CNTN4: variants seen among roughly 807,000 people sequenced by gnomAD.
CNTN4 encodes the protein contactin-4.
Under a neutral mutation model 122.5 loss-of-function variants are expected in CNTN4, and 77 were observed. The ratio of observed to expected loss-of-function variants is 0.63; its 90% CI spans 0.52 to 0.76. The LOEUF (loss-of-function observed/expected upper bound fraction) is 0.76, where lower values mean the gene tolerates loss of function less well. Ranked by LOEUF, CNTN4 falls within the 30% of genes least tolerant of loss-of-function variation. CNTN4 has a pLI of 0.00. For missense variants in CNTN4, 1,256 were observed against 1,259.1 expected, an observed-to-expected ratio of 1.00 and a Z score of 0.04; for synonymous variants, 512 against 447.0, an observed-to-expected ratio of 1.15 and a Z score of -1.83.
intron 4 of CNTN4, among the ~76,000 whole-genome samples, chr3:2,730,083 T>C (rs2088568702): frequency 6.6e-6 from 1 of 152,170 alleles, no homozygotes; most frequent in East Asian, 1.9e-4. Flanking sequence ...GTATCCCTTA[T>C]CTAAAATGCT....
intron 3 of CNTN4, among the ~76,000 whole-genome samples, chr3:2,340,707 A>AGAGAGAGAGAGAGAGAGAGGGAGG (rs1174143787): frequency 1.2e-5 from 1 of 85,370 alleles, no homozygotes; most frequent in African/African-American, 4.3e-5. Flanking sequence ...ATATATATAT[A>AGAGAGAGAGAGAGAGAGAGGGAGG]TATAGAGAGA....
chr3:2,626,864 CA>C (rs2149991946), intron 4 of CNTN4, among the ~76,000 whole-genome samples: 1 of 152,344 alleles, frequency 6.6e-6, no homozygotes, highest in East Asian at 1.9e-4. Flanking sequence ...TAGGCCTCCA[CA>C]TCTGGATAGC....
At chr3:2,115,868 T>C (rs1264849212) in intron 2 of CNTN4, among the ~76,000 whole-genome samples, 1 of 152,216 alleles carries the variant, frequency 6.6e-6, no homozygotes, top group Admixed American at 6.5e-5. Flanking sequence ...ACTTAAAGAC[T>C]CTTTTGCAAA....
chr3:2,536,379 G>A (rs1230752225), intron 3 of CNTN4, among the ~76,000 whole-genome samples: 1 of 152,062 alleles, frequency 6.6e-6, no homozygotes, highest in Non-Finnish European at 1.5e-5. Context: ...CCAGTGACTG[G>A]TGGTGATATT....
At chr3:2,357,642 G>T (rs1480150566) in intron 3 of CNTN4, among the ~76,000 whole-genome samples, 1 of 152,172 alleles carries the variant, frequency 6.6e-6, no homozygotes, top group Non-Finnish European at 1.5e-5. Flanking sequence ...TCAGCAACAA[G>T]ATGAGTAACT....
chr3:2,913,310 C>T (rs1177732189), intron 12 of CNTN4, among the ~76,000 whole-genome samples: 1 of 152,162 alleles, frequency 6.6e-6, no homozygotes, highest in African/African-American at 2.4e-5. Context: ...CCTTCCCTAT[C>T]TCTAATTATT....
intron 4 of CNTN4, among the ~76,000 whole-genome samples, chr3:2,662,797 G>A (rs551634701): frequency 3.9e-5 from 6 of 152,280 alleles, no homozygotes; most frequent in South Asian, 2.1e-4. Flanking sequence ...GCGGAAGAGT[G>A]TAGGAGACAG....
chr3:2,130,112 T>C (rs534866495), intron 2 of CNTN4, among the ~76,000 whole-genome samples: 35 of 152,196 alleles, frequency 2.3e-4, no homozygotes, highest in Non-Finnish European at 4.1e-4. Context: ...TGTCCATATG[T>C]TATTCTCATT....
In CNTN4 at chr3:2,778,201, G is replaced by C. The variant is rs369244720; in HGVS notation, c.358+32504G>C. Among the ~76,000 whole-genome samples, 47 of 111,186 alleles carry C rather than the reference G, an allele frequency of 4.2e-4. No homozygotes were observed. The South Asian group carries it at 9.6e-3, about 23-fold the overall frequency. 72.9% of individuals were successfully genotyped at this position (111,186 alleles called of 152,430 possible). On this transcript the variant is annotated intron_variant, in intron 6 of 24. Transcript: ENST00000418658. The stretch of plus-strand genomic sequence containing the variant: ...TGCACTCCAGCCTGGGCGACAGAGC[G>C]AGACTCCGTCTCAAATAAATAAATA...
chr3:2,927,449 A>G (rs1228769288), intron 13 of CNTN4: 1 of 383,182 alleles, frequency 2.6e-6, no homozygotes, highest in Non-Finnish European at 5.3e-6. Flanking sequence ...TTGCACTTTC[A>G]CTCACATTTC....
chr3:2,742,431 G>A (rs1162527969), intron 5 of CNTN4, among the ~76,000 whole-genome samples: 1 of 152,156 alleles, frequency 6.6e-6, no homozygotes, highest in Non-Finnish European at 1.5e-5. Context: ...CACTCACTTG[G>A]TCGGAGTACT....
intron 4 of CNTN4, among the ~76,000 whole-genome samples, chr3:2,605,112 T>C (rs763365437): frequency 7.2e-5 from 11 of 152,204 alleles, no homozygotes; most frequent in Admixed American, 2.0e-4. Flanking sequence ...GCTCAAGTGA[T>C]CCTTCCACCT....
chr3:2,931,813 C>T (rs920315808), intron 13 of CNTN4, among the ~76,000 whole-genome samples: 2 of 151,746 alleles, frequency 1.3e-5, no homozygotes, highest in African/African-American at 2.4e-5. Context: ...TGTTTTGTTT[C>T]GTTTTGTTGC....
At chr3:2,215,549 G>C (rs2038798728) in intron 2 of CNTN4, among the ~76,000 whole-genome samples, 1 of 152,116 alleles carries the variant, frequency 6.6e-6, no homozygotes, top group Non-Finnish European at 1.5e-5. Context: ...ATTGTTTTCT[G>C]AAATGGTTGT....
chr3:2,475,405 C>T (rs1383434692), intron 3 of CNTN4, among the ~76,000 whole-genome samples: 2 of 152,170 alleles, frequency 1.3e-5, no homozygotes, highest in East Asian at 3.9e-4. Flanking sequence ...ATTAGTGTCA[C>T]ATCACTCTAT....
intron 4 of CNTN4, among the ~76,000 whole-genome samples, chr3:2,600,171 C>T (rs1445407587): frequency 6.6e-6 from 1 of 151,566 alleles, no homozygotes; most frequent in Non-Finnish European, 1.5e-5. Context: ...CTTTCTGGGG[C>T]TCTAATTATA....
intron 14 of CNTN4, among the ~76,000 whole-genome samples, chr3:2,999,522 G>T (rs1695838239): frequency 6.6e-6 from 1 of 152,232 alleles, no homozygotes; most frequent in East Asian, 1.9e-4. Flanking sequence ...CAAGGTGCTG[G>T]CAGGTTTGGG....
chr3:2,908,851 A>G (rs2094266603), intron 12 of CNTN4, among the ~76,000 whole-genome samples: 1 of 152,088 alleles, frequency 6.6e-6, no homozygotes, highest in Non-Finnish European at 1.5e-5. Context: ...AGTAGCTTCT[A>G]TCCTGAGGAA....
At chr3:2,320,350 T>C (rs1275708495) in intron 2 of CNTN4, among the ~76,000 whole-genome samples, 1 of 152,148 alleles carries the variant, frequency 6.6e-6, no homozygotes, top group South Asian at 2.1e-4. Flanking sequence ...ATAACAGAAA[T>C]AGTAATATAA....
Sources: gnomAD v4.1 joint callset for allele counts (sites outside exome capture counted in the v4.1 genomes callset) on GRCh38, gnomAD v4.1.1 for gene constraint, MANE v1.5 for transcripts, NCBI Gene and HGNC (gene_info 2026-07-23, HGNC 2026-07-21) for gene names.